SAMD5: variants seen among roughly 807,000 people sequenced by gnomAD.
SAMD5 encodes the protein sterile alpha motif domain containing 5.
A neutral mutation model predicts 11.3 loss-of-function variants in SAMD5; 13 were observed. That is an observed-to-expected ratio of 1.15 (90% confidence interval 0.75 to 1.83). The LOEUF is 1.83. Among genes scored for constraint, SAMD5 ranks in the 40% most tolerant of loss-of-function variants. SAMD5 has a pLI of 0.00. For synonymous variants in SAMD5, 129 were observed against 111.3 expected, an observed-to-expected ratio of 1.16 and a Z score of -1.00; for missense variants, 255 against 239.1, an observed-to-expected ratio of 1.07 and a Z score of -0.44.
chr6:147,832,650 T>A, the SAMD5 span, among the ~76,000 whole-genome samples: 3 of 152,322 alleles, frequency 2.0e-5, no homozygotes, highest in Admixed American at 2.0e-4. Context: ...TGATTCTAAT[T>A]ACTTTTGTAT....
chr6:147,705,742 A>T (rs1256377438), intron 1 of SAMD5, among the ~76,000 whole-genome samples: 1 of 152,234 alleles, frequency 6.6e-6, no homozygotes, highest in Non-Finnish European at 1.5e-5. Flanking sequence ...TTTGACATAG[A>T]GTAACCCAGC....
chr6:147,816,301 A>AAAAAATATATATATATATAT, the SAMD5 span, among the ~76,000 whole-genome samples: 9 of 66,350 alleles, frequency 1.4e-4, no homozygotes, highest in East Asian at 8.9e-4. Flanking sequence ...AAAAAAAAAA[A>AAAAAATATATATATATATAT]ATATATATAT....
At position 147,592,089 on chromosome 6, in the gene SAMD5, G is replaced by A. The variant is rs368101816; in HGVS notation, c.162+82702G>A. ...TTTATGTTCAAGGAGGTGGGCTCAA[G>A]CGATCCTCCAGCCTCAGCTTCCTGA... On this transcript the variant is annotated intron_variant, in intron 1 of 1. Coordinates refer to the SAMD5 transcript ENST00000566741. Among the ~76,000 whole-genome samples, 42 of 152,222 alleles carry A rather than the reference G, an allele frequency of 2.8e-4. 1 individual carries two copies. In the South Asian group the frequency reaches 7.5e-3, roughly 27 times the overall value.
intron 1 of SAMD5, among the ~76,000 whole-genome samples, chr6:147,723,655 T>C (rs958403850): frequency 6.6e-6 from 1 of 152,162 alleles, no homozygotes; most frequent in Non-Finnish European, 1.5e-5. Flanking sequence ...TTAATTGTGA[T>C]GCTAACACAC....
intron 1 of SAMD5, among the ~76,000 whole-genome samples, chr6:147,732,078 T>C (rs948025835): frequency 2.0e-5 from 3 of 152,134 alleles, no homozygotes; most frequent in Non-Finnish European, 4.4e-5. Context: ...TACTATTAAA[T>C]GGAGGACTGA....
chr6:147,515,132 A>G (rs1053064666), intron 1 of SAMD5, among the ~76,000 whole-genome samples: 4 of 148,014 alleles, frequency 2.7e-5, no homozygotes, highest in African/African-American at 7.6e-5. Flanking sequence ...GCTTTCTCCA[A>G]CTCAATCAGT....
the SAMD5 span, among the ~76,000 whole-genome samples, chr6:147,808,464 A>G: frequency 3.3e-5 from 5 of 152,194 alleles, no homozygotes; most frequent in African/African-American, 9.7e-5. Flanking sequence ...TTGGCCTCCC[A>G]AAGTGGTGGG....
chr6:147,927,095 A>G, the SAMD5 span, among the ~76,000 whole-genome samples: 1 of 152,088 alleles, frequency 6.6e-6, no homozygotes, highest in Non-Finnish European at 1.5e-5. Context: ...AGTTGGGTAA[A>G]GTAATGCTTC....
At chr6:147,747,787 T>G in the SAMD5 span, among the ~76,000 whole-genome samples, 1 of 152,250 alleles carries the variant, frequency 6.6e-6, no homozygotes, top group South Asian at 2.1e-4. Flanking sequence ...CTCTGTTCTA[T>G]TCCTTCTTGA....
At chr6:147,571,401 C>T (rs568086324), downstream of SAMD5, among the ~76,000 whole-genome samples, 4 of 151,650 alleles carry the variant, frequency 2.6e-5, no homozygotes, top group South Asian at 8.5e-4. Context: ...CCAGGCCATT[C>T]GCTGTCCCAC....
At chr6:147,909,610 T>TCTCTCTCTCTCTCTC in the SAMD5 span, among the ~76,000 whole-genome samples, 1 of 59,710 alleles carries the variant, frequency 1.7e-5, no homozygotes, top group African/African-American at 6.0e-5. Flanking sequence ...CTTTCTTTCT[T>TCTCTCTCTCTCTCTC]TCTTTCTTTC....
the SAMD5 span, among the ~76,000 whole-genome samples, chr6:147,860,491 C>T: frequency 2.0e-5 from 3 of 152,188 alleles, no homozygotes; most frequent in Admixed American, 6.5e-5. Context: ...TTAAGCCACT[C>T]ATGTATTGAT....
chr6:147,519,356 A>C (rs1788218094), intron 1 of SAMD5, among the ~76,000 whole-genome samples: 2 of 152,192 alleles, frequency 1.3e-5, no homozygotes, highest in Non-Finnish European at 2.9e-5. Flanking sequence ...TATTGTCCTC[A>C]TTCCTTCTTT....
chr6:147,574,012 C>T (rs551652003), downstream of SAMD5, among the ~76,000 whole-genome samples: 3 of 151,822 alleles, frequency 2.0e-5, no homozygotes, highest in Non-Finnish European at 4.4e-5. Context: ...CCTGTAGTCC[C>T]AGCTACTAGG....
chr6:147,904,888 TG>T, the SAMD5 span, among the ~76,000 whole-genome samples: 3 of 118,482 alleles, frequency 2.5e-5, no homozygotes, highest in African/African-American at 3.7e-5. Context: ...ATAGACTTTA[TG>T]CCTTTTTTTT....
chr6:147,728,487 C>G (rs898897679), intron 1 of SAMD5, among the ~76,000 whole-genome samples: 8 of 152,120 alleles, frequency 5.3e-5, no homozygotes, highest in African/African-American at 1.7e-4. Context: ...CAGCAAAAAC[C>G]TACATTCTGG....
intron 1 of SAMD5, among the ~76,000 whole-genome samples, chr6:147,691,273 C>T (rs988409046): frequency 2.6e-5 from 4 of 152,200 alleles, no homozygotes; most frequent in Admixed American, 2.0e-4. Flanking sequence ...GGGTTACAGG[C>T]GTGAGCCACC....
At chr6:147,748,940 A>G in the SAMD5 span, among the ~76,000 whole-genome samples, 1 of 152,218 alleles carries the variant, frequency 6.6e-6, no homozygotes, top group African/African-American at 2.4e-5. Context: ...AATTAAGTCA[A>G]TGGATGCCTA....
the SAMD5 span, among the ~76,000 whole-genome samples, chr6:147,915,098 T>C: frequency 6.6e-6 from 1 of 152,190 alleles, no homozygotes; most frequent in Non-Finnish European, 1.5e-5. Context: ...ATTGAGTCAA[T>C]TGATGAAATT....
Sources: gnomAD v4.1 joint callset for allele counts (sites outside exome capture counted in the v4.1 genomes callset) on GRCh38, gnomAD v4.1.1 for gene constraint, MANE v1.5 for transcripts, NCBI Gene and HGNC (gene_info 2026-07-23, HGNC 2026-07-21) for gene names.